Variants in CNNM4 observed in about 807,000 individuals in gnomAD.
CNNM4 encodes metal transporter CNNM4.
A neutral mutation model predicts 53.7 loss-of-function variants in CNNM4; 32 were observed. The ratio of observed to expected loss-of-function variants is 0.60; its 90% CI spans 0.45 to 0.80. The LOEUF is 0.80. Ranked by LOEUF, CNNM4 falls within the 30% of genes least tolerant of loss-of-function variation. The pLI is 0.00. For synonymous variants in CNNM4, 410 were observed against 440.0 expected, an observed-to-expected ratio of 0.93 and a Z score of 0.85; for missense variants, 784 against 1,022.0, an observed-to-expected ratio of 0.77 and a Z score of 3.17.
chr2:96,761,776 C>A lies in CNNM4; in HGVS notation c.777C>A (p.Ile259=), dbSNP rs977087685. Residue 259 remains isoleucine, a synonymous_variant, in exon 1 of 7, where the codon ATC becomes ATA. Transcript: ENST00000377075. The surrounding 1 kb of genome is among the most constrained non-coding windows in gnomAD (Gnocchi z 6.0). ...TGCTGGTCAACACCTCCCTCACAAT[C>A]CTTCTAGACAACCTCATCGGGTCCG... ...GNVLVNTSLT[I]LLDNLIGSGL... The A allele has an allele frequency of 1.2e-6, 2 of 1,612,882 alleles. No homozygotes were observed. The highest frequency in any genetic ancestry group is 1.7e-6 in the Non-Finnish European group (2 of 1,180,036).
chr2:96,767,232 C>CA (rs1222244197), intron 1 of CNNM4, among the ~76,000 whole-genome samples: 1 of 152,176 alleles, frequency 6.6e-6, no homozygotes. Flanking sequence ...TGTGGAACCC[C>CA]ATGCTGCGTG....
intron 5 of CNNM4, among the ~76,000 whole-genome samples, chr2:96,804,189 C>T (rs982726175): frequency 6.6e-6 from 1 of 151,744 alleles, no homozygotes; most frequent in African/African-American, 2.4e-5. Flanking sequence ...ACCACTGCAC[C>T]TGGCCGGACC....
At chr2:96,763,790 G>T (rs957991397) in intron 1 of CNNM4, among the ~76,000 whole-genome samples, 3 of 151,134 alleles carry the variant, frequency 2.0e-5, no homozygotes, top group African/African-American at 7.3e-5. Context: ...CTTGAGTAAA[G>T]TAAGCCAGAG....
rs1322849852 is a variant in CNNM4, at chr2:96,809,474, G to GT, written c.2286dup (p.Asn763Ter). The stretch of plus-strand genomic sequence containing the variant: ...GAGACCACAACTCTTCTCAACGAGC[G>GT]TAACTCCTTGCTGCACAAAGCCTCC... On this transcript the variant is annotated frameshift_variant, in exon 7 of 7. Coordinates refer to ENST00000377075, the MANE Select transcript of CNNM4 (RefSeq NM_020184.4). LOFTEE classifies it high-confidence loss of function. The GT allele has an allele frequency of 4.3e-6, 7 of 1,614,072 alleles. No individual in the cohort carries two copies. The highest frequency in any genetic ancestry group is 1.3e-5 in the African/African-American group (1 of 74,934).
At chr2:96,802,327 C>T (rs1039734899) in intron 5 of CNNM4, among the ~76,000 whole-genome samples, 5 of 152,260 alleles carry the variant, frequency 3.3e-5, no homozygotes, top group Non-Finnish European at 5.9e-5. Flanking sequence ...GGCCAGCCTG[C>T]TGCCCTCCAC....
chr2:96,801,021 C>T lies in CNNM4; in HGVS notation c.1948+1373C>T, dbSNP rs952047222. On this transcript the variant is annotated intron_variant, in intron 5 of 6. Transcript: ENST00000377075. This position sits in a 1 kb window ranked among gnomAD's most constrained non-coding sequence, Gnocchi z 5.6. Reference sequence around the variant, plus strand: ...TGCCTCTGTCCTGTGCCTGTGGTTCCGTGTCCTGTCTCCTGACTGCGCCCA... The same window carrying T: ...TGCCTCTGTCCTGTGCCTGTGGTTCTGTGTCCTGTCTCCTGACTGCGCCCA... 8 of 890,470 alleles carry T rather than the reference C, an allele frequency of 9.0e-6. No homozygotes were observed. The highest frequency in any genetic ancestry group is 3.6e-5 in the African/African-American group (2 of 55,272). The allele number at this position is 890,470 out of a possible 1,614,324, so 55.2% of individuals were successfully genotyped here.
chr2:96,761,390 G>A lies in CNNM4; in HGVS notation c.391G>A (p.Val131Met). The A allele has an allele frequency of 6.2e-7, 1 of 1,614,090 alleles. No individual in the cohort carries two copies. Among genetic ancestry groups the A allele is most frequent in the African/African-American group, 1.3e-5 (1 of 75,060 alleles). ...CGTGAGCCGCGGGAACACGTCCGGC[G>A]TGCTGGTGGTGCTCACCAAGTTCCT... ...VNVSRGNTSG[V>M]LVVLTKFLRR... is the part of the protein sequence containing the mutation. The change falls in exon 1 of 7, where the codon GTG (valine) becomes ATG (methionine). Residue 131 changes from valine (V) to methionine (M), a missense_variant. By Grantham distance (21) the Val-to-Met change is conservative. Transcript: ENST00000377075. The surrounding 1 kb of genome is among the most constrained non-coding windows in gnomAD (Gnocchi z 6.0).
chr2:96,762,529 A>G (rs2078775249), intron 1 of CNNM4, 128 bp downstream of exon 1: 2 of 927,096 alleles, frequency 2.2e-6, no homozygotes, highest in Non-Finnish European at 3.4e-6. Flanking sequence ...ATCGCTTCCT[A>G]TGCTTCTGAG....
chr2:96,786,862 G>A (rs1232164848), intron 1 of CNNM4, among the ~76,000 whole-genome samples: 1 of 149,048 alleles, frequency 6.7e-6, no homozygotes, highest in Non-Finnish European at 1.5e-5. Flanking sequence ...CTTCTACCAA[G>A]TCAGCAACAA....
At chr2:96,807,247 A>G (rs2079217556) in intron 5 of CNNM4, among the ~76,000 whole-genome samples, 1 of 152,122 alleles carries the variant, frequency 6.6e-6, no homozygotes, top group Non-Finnish European at 1.5e-5. Flanking sequence ...CGGCTCAAGC[A>G]ATCTGCCCGC....
At chr2:96,793,692 G>A (rs553142192) in intron 1 of CNNM4, among the ~76,000 whole-genome samples, 6 of 152,328 alleles carry the variant, frequency 3.9e-5, no homozygotes, top group African/African-American at 1.2e-4. Context: ...GGCCGGGCGC[G>A]GTGGCTGACA....
chr2:96,781,234 C>T (rs2078973202), intron 1 of CNNM4, among the ~76,000 whole-genome samples: 1 of 152,086 alleles, frequency 6.6e-6, no homozygotes, highest in Non-Finnish European at 1.5e-5. Flanking sequence ...CTGCCTCAGC[C>T]TCCCAAAGTG....
intron 1 of CNNM4, among the ~76,000 whole-genome samples, chr2:96,790,839 G>C (rs1419112881): frequency 2.0e-5 from 3 of 151,720 alleles, no homozygotes; most frequent in African/African-American, 7.3e-5. Flanking sequence ...CAAAAATCCA[G>C]CTGGGCACAG....
Position 96,777,410 on chromosome 2 carries a change from A to G in CNNM4, c.1402+15009A>G, listed in dbSNP as rs934408440. 2.0e-5 allele frequency among the ~76,000 whole-genome samples: 3 copies of G among 152,180 alleles called. No individual in the cohort carries two copies. The East Asian group carries it at 5.8e-4, about 29-fold the overall frequency. On this transcript the variant is annotated intron_variant, in intron 1 of 6. Transcript: ENST00000377075. ...CACGTAGGCTGGATGCAGTGATGCAATCATGGCTCACTATAGCTTCAACTT... is the reference window on the plus strand; with the variant it reads ...CACGTAGGCTGGATGCAGTGATGCAGTCATGGCTCACTATAGCTTCAACTT...
chr2:96,808,390 G>A lies in CNNM4; in HGVS notation c.1949-171G>A, dbSNP rs530909180. On this transcript the variant is annotated intron_variant, in intron 5 of 6. Coordinates refer to ENST00000377075, the MANE Select transcript of CNNM4 (RefSeq NM_020184.4). This position sits in a 1 kb window ranked among gnomAD's most constrained non-coding sequence, Gnocchi z 4.9. ...AACAAACTAATTCATTTGCTTTAAC[G>A]AAGTCAGACCTTATGCAGTCAGACC... 2.0e-5 allele frequency among the ~76,000 whole-genome samples: 3 copies of A among 152,222 alleles called. No individual in the cohort carries two copies. The South Asian group carries it at 6.2e-4, about 32-fold the overall frequency.
In CNNM4 at chr2:96,811,777, T is replaced by C. The variant is rs1248954951; in HGVS notation, c.*2260T>C. ...GTTTGACTCTCGGGGAGTTTTGTTG[T>C]TATGACTCTTGTGTCTTTTGTCACA... On this transcript the variant is annotated 3_prime_UTR_variant, in exon 7 of 7. Coordinates refer to ENST00000377075, the MANE Select transcript of CNNM4 (RefSeq NM_020184.4). The C allele has an allele frequency of 2.0e-5, 3 of 152,708 alleles. No homozygotes were observed. Among genetic ancestry groups the C allele is most frequent in the Non-Finnish European group, 4.4e-5 (3 of 68,054 alleles). 9.5% of individuals were successfully genotyped at this position (152,708 alleles called of 1,614,324 possible). A position where few individuals can be genotyped will look rare whatever the true frequency, so the allele number is the denominator to read the frequency against.
intron 1 of CNNM4, 87 bp from the exon 2 acceptor site, chr2:96,796,925 A>C: frequency 7.1e-7 from 1 of 1,401,294 alleles, no homozygotes; most frequent in Non-Finnish European, 1.0e-6. Flanking sequence ...GTGACTTATG[A>C]CCCTACGTCT....
rs2079242964 is a variant in CNNM4 at position 96,809,919 on chromosome 2, A to G, written c.*402A>G. 6.2e-6 allele frequency: 1 copy of G among 162,226 alleles called. No homozygotes were observed. Among genetic ancestry groups the G allele is most frequent in the Admixed American group, 5.9e-5 (1 of 16,966 alleles). The allele number at this position is 162,226 out of a possible 1,614,324, so 10.0% of individuals were successfully genotyped here. A position where few individuals can be genotyped will look rare whatever the true frequency, so the allele number is the denominator to read the frequency against. On this transcript the variant is annotated 3_prime_UTR_variant, in exon 7 of 7. Coordinates refer to ENST00000377075, the MANE Select transcript of CNNM4 (RefSeq NM_020184.4). Reference sequence around the variant, plus strand: ...TCTTGTCCCGGGAAGCAACGGACATAATCTGTTCCCAGCCATGGCCTTCCA... The same window carrying G: ...TCTTGTCCCGGGAAGCAACGGACATGATCTGTTCCCAGCCATGGCCTTCCA...
At chr2:96,786,593 A>G (rs1336244487) in intron 1 of CNNM4, among the ~76,000 whole-genome samples, 3 of 151,958 alleles carry the variant, frequency 2.0e-5, no homozygotes, top group Admixed American at 2.0e-4. Context: ...AACCTGGCCA[A>G]CATGGTGAAA....
Sources: gnomAD v4.1 joint callset for allele counts (sites outside exome capture counted in the v4.1 genomes callset) on GRCh38, gnomAD v4.1.1 for gene constraint, Gnocchi (gnomAD v3.1) non-coding constraint, MANE v1.5 for transcripts, NCBI Gene and HGNC (gene_info 2026-07-23, HGNC 2026-07-21) for gene names.